NRG3: variants seen among roughly 807,000 people sequenced by gnomAD.
NRG3 encodes the protein neuregulin 3, also known as pro-neuregulin-3, membrane-bound isoform.
In NRG3, 31 loss-of-function variants were observed where a neutral mutation model predicts 66.9. The observed-to-expected ratio is 0.46, with a 90% CI of 0.35 to 0.63. The LOEUF is 0.63. NRG3 is among the 20% of genes least tolerant of loss of function. The pLI is 0.00. For missense variants in NRG3, 910 were observed against 878.9 expected (o/e 1.04, Z -0.45); for synonymous variants, 393 against 359.4 (o/e 1.09, Z -1.06).
rs528099518 is a variant in NRG3 at position 81,938,640 on chromosome 10, T to C, written c.823+62477T>C. Among the ~76,000 whole-genome samples the C allele has an allele frequency of 9.9e-5, 15 of 151,392 alleles. No homozygotes were observed. The South Asian group carries it at 2.7e-3, about 27-fold the overall frequency. ...GACAGTGTGTGTGTGTGTGTGTGTG[T>C]GCATGCATGCATGCATGCAAAAATT... On this transcript the variant is annotated intron_variant, in intron 1 of 8. Transcript: ENST00000372141.
intron 5 of NRG3, among the ~76,000 whole-genome samples, chr10:82,956,708 T>G (rs1279144467): frequency 6.6e-6 from 1 of 151,936 alleles, no homozygotes; most frequent in Non-Finnish European, 1.5e-5. Flanking sequence ...CATGCACTCT[T>G]ACTTTTTCAG....
chr10:82,552,797 A>T (rs1279544889), intron 2 of NRG3, among the ~76,000 whole-genome samples: 1 of 152,142 alleles, frequency 6.6e-6, no homozygotes, highest in Non-Finnish European at 1.5e-5. Context: ...GGAAATGGAG[A>T]CTTAGAGAAG....
intron 1 of NRG3, among the ~76,000 whole-genome samples, chr10:82,047,752 A>G (rs4534516): frequency 0.89 from 133,605 of 150,802 alleles, 60,327 homozygotes; most frequent in South Asian, 0.99. Flanking sequence ...ACATAACAAT[A>G]TTAACTTTAA....
intron 3 of NRG3, among the ~76,000 whole-genome samples, chr10:82,786,834 T>C (rs1565315228): frequency 6.6e-6 from 1 of 151,658 alleles, no homozygotes; most frequent in East Asian, 2.0e-4. Context: ...ATTGCAGGAG[T>C]GGGTTAGTTG....
chr10:82,944,071 T>C (rs1293631464), intron 4 of NRG3, among the ~76,000 whole-genome samples: 1 of 152,206 alleles, frequency 6.6e-6, no homozygotes, highest in African/African-American at 2.4e-5. Flanking sequence ...TCTCGCATAA[T>C]ACCCTATGAA....
At chr10:82,043,734 C>T (rs1472465204) in intron 1 of NRG3, among the ~76,000 whole-genome samples, 1 of 151,944 alleles carries the variant, frequency 6.6e-6, no homozygotes, top group East Asian at 1.9e-4. Context: ...AGTAAGTCCT[C>T]ACTTAACATA....
At chr10:82,307,446 G>A (rs907663063) in intron 1 of NRG3, among the ~76,000 whole-genome samples, 9 of 151,996 alleles carry the variant, frequency 5.9e-5, no homozygotes, top group Non-Finnish European at 1.0e-4. Flanking sequence ...TGTGTATATC[G>A]TAGGTTGTTA....
At position 81,875,763 on chromosome 10, in the gene NRG3, C is replaced by G. The variant is rs762036310; in HGVS notation, c.423C>G (p.Ser141=). The G allele has an allele frequency of 1.9e-6, 3 of 1,612,240 alleles. No homozygotes were observed. In the African/African-American group the frequency reaches 4.0e-5, roughly 21 times the overall value. ...CCACCACGTCCCCCGCCACCCCCTC[C>G]GCCGGGGGTGCCGCCTCCTCCAGGA... ...TTSTTSPATP[S]AGGAASSRTP... is the part of the protein sequence containing the mutation. The change falls in exon 1 of 9, where the codon TCC becomes TCG. Residue 141 remains serine, a synonymous_variant. Transcript: ENST00000372141. This position sits in a 1 kb window ranked among gnomAD's most constrained non-coding sequence, Gnocchi z 5.3.
intron 1 of NRG3, among the ~76,000 whole-genome samples, chr10:82,023,101 TAA>T (rs776988057): frequency 6.6e-5 from 10 of 151,806 alleles, no homozygotes; most frequent in African/African-American, 9.7e-5. Context: ...AATTTATTCA[TAA>T]GTTTTTTTTT....
intron 1 of NRG3, among the ~76,000 whole-genome samples, chr10:82,233,364 C>G (rs952661228): frequency 6.6e-6 from 1 of 151,898 alleles, no homozygotes; most frequent in African/African-American, 2.4e-5. Context: ...GACTCCATCT[C>G]AAAAACAAAA....
intron 2 of NRG3, among the ~76,000 whole-genome samples, chr10:82,517,219 C>T (rs1845743522): frequency 6.6e-6 from 1 of 151,972 alleles, no homozygotes; most frequent in Non-Finnish European, 1.5e-5. Flanking sequence ...TAGATACCAT[C>T]TGGCCTAATG....
chr10:82,606,121 A>T (rs1238290517), intron 2 of NRG3, among the ~76,000 whole-genome samples: 2 of 152,088 alleles, frequency 1.3e-5, no homozygotes, highest in Non-Finnish European at 2.9e-5. Flanking sequence ...ATGATCTTAG[A>T]CTATTGGTTT....
chr10:82,488,464 G>A (rs1383525216), intron 2 of NRG3, among the ~76,000 whole-genome samples: 1 of 152,132 alleles, frequency 6.6e-6, no homozygotes, highest in African/African-American at 2.4e-5. Flanking sequence ...CATTGAGAAA[G>A]CCCTTGTTTT....
At chr10:82,037,600 C>G (rs777199589) in intron 1 of NRG3, among the ~76,000 whole-genome samples, 1 of 152,088 alleles carries the variant, frequency 6.6e-6, no homozygotes, top group Non-Finnish European at 1.5e-5. Flanking sequence ...GTCTTTTAAA[C>G]AGGTCTAACA....
At chr10:82,215,111 C>A (rs2075598044) in intron 1 of NRG3, among the ~76,000 whole-genome samples, 1 of 152,062 alleles carries the variant, frequency 6.6e-6, no homozygotes, top group Non-Finnish European at 1.5e-5. Flanking sequence ...TTTTCAATTT[C>A]AGTTAAATTT....
rs974500539 is a variant in NRG3 at position 82,305,081 on chromosome 10, G to A, written c.824-53658G>A. 4.6e-5 allele frequency among the ~76,000 whole-genome samples: 6 copies of A among 129,210 alleles called. No homozygotes were observed. The East Asian group carries it at 8.1e-4, about 17-fold the overall frequency. 84.8% of individuals were successfully genotyped at this position (129,210 alleles called of 152,430 possible). Reference sequence around the variant, plus strand: ...GCGATCTCAGCTCACTGCAAGCTCCGCCTCCTGGGTTCACGCCATTCTCCT... The same window carrying A: ...GCGATCTCAGCTCACTGCAAGCTCCACCTCCTGGGTTCACGCCATTCTCCT... On this transcript the variant is annotated intron_variant, in intron 1 of 8. Coordinates refer to ENST00000372141, the MANE Select transcript of NRG3 (RefSeq NM_001010848.4).
chr10:82,400,238 A>G (rs1690107480), intron 2 of NRG3, among the ~76,000 whole-genome samples: 3 of 152,144 alleles, frequency 2.0e-5, no homozygotes, highest in Non-Finnish European at 4.4e-5. Context: ...ACTACCACTT[A>G]TCAACCACAC....
chr10:82,562,185 A>G (rs113915874), intron 2 of NRG3, among the ~76,000 whole-genome samples: 17 of 152,334 alleles, frequency 1.1e-4, no homozygotes, highest in African/African-American at 4.1e-4. Flanking sequence ...TAAACAATCA[A>G]TAAATGATAT....
intron 2 of NRG3, among the ~76,000 whole-genome samples, chr10:82,670,095 T>A (rs1283112294): frequency 6.6e-6 from 1 of 152,194 alleles, no homozygotes; most frequent in Middle Eastern, 3.2e-3. Flanking sequence ...TCGGTCAAGA[T>A]GACCTTGATT....
Sources: gnomAD v4.1 joint callset for allele counts (sites outside exome capture counted in the v4.1 genomes callset) on GRCh38, gnomAD v4.1.1 for gene constraint, Gnocchi (gnomAD v3.1) non-coding constraint, MANE v1.5 for transcripts, NCBI Gene and HGNC (gene_info 2026-07-23, HGNC 2026-07-21) for gene names.